Variants in ATP13A3 observed in about 807,000 individuals in gnomAD.
ATP13A3 encodes polyamine-transporting ATPase 13A3.
ATP13A3 carries 59 observed loss-of-function variants against 158.1 expected under a neutral mutation model. That is an observed-to-expected ratio of 0.37 (90% confidence interval 0.30 to 0.46). ATP13A3 has a LOEUF of 0.46. Ranked by LOEUF, ATP13A3 falls within the 20% of genes least tolerant of loss-of-function variation. ATP13A3 has a pLI of 1.00. For synonymous variants in ATP13A3, 491 were observed against 504.3 expected (o/e 0.97, Z 0.35); for missense variants, 1,166 against 1,525.2 (o/e 0.76, Z 3.92).
chr3:194,420,793 C>G (rs1210561271), intron 30 of ATP13A3, among the ~76,000 whole-genome samples: 2 of 151,936 alleles, frequency 1.3e-5, no homozygotes, highest in Non-Finnish European at 2.9e-5. Context: ...CCAAAATTTT[C>G]TAATATATTG....
At chr3:194,433,997 G>T in intron 20 of ATP13A3, 101 bp from the exon 21 acceptor site, 1 of 1,224,288 alleles carries the variant, frequency 8.2e-7, no homozygotes, top group Non-Finnish European at 1.1e-6. Context: ...ATGTCTATAA[G>T]TTATAATGCA....
At chr3:194,421,157 A>T (rs368615112) in intron 30 of ATP13A3, among the ~76,000 whole-genome samples, 13 of 29,932 alleles carry the variant, frequency 4.3e-4, no homozygotes, top group Admixed American at 5.8e-4. Context: ...ATATATATAT[A>T]TATATATATA....
chr3:194,450,063 C>G, intron 11 of ATP13A3, 82 bp downstream of exon 11: 1 of 1,417,054 alleles, frequency 7.1e-7, no homozygotes, highest in Non-Finnish European at 9.7e-7. Context: ...AATGACATAG[C>G]TAATTTTGAA....
intron 23 of ATP13A3, 28 bp downstream of exon 23, chr3:194,431,076 A>AT: frequency 6.2e-7 from 1 of 1,613,448 alleles, no homozygotes; most frequent in Non-Finnish European, 8.5e-7. Flanking sequence ...CATTCATGTG[A>AT]GCACACACAT....
intron 10 of ATP13A3, chr3:194,453,128 C>T (rs1053800090): frequency 6.6e-6 from 1 of 151,892 alleles, no homozygotes; most frequent in African/African-American, 2.4e-5. Flanking sequence ...GCATGGGCAA[C>T]ACAGTGAGAC....
At position 194,450,286 on chromosome 3, in the gene ATP13A3, A is replaced by C; in HGVS notation, c.839-10T>G. 1 of 1,605,456 alleles carries C rather than the reference A, an allele frequency of 6.2e-7. No homozygotes were observed. The highest frequency in any genetic ancestry group is 1.1e-5 in the South Asian group (1 of 90,434). ...AAGATTTCTTCTATTTCTGAAATTA[A>C]AGAAAGAAAGAAAAATCTGAAAAAG... On this transcript the variant is annotated splice_polypyrimidine_tract_variant and intron_variant, in intron 10 of 33. Coordinates refer to ENST00000645319, the MANE Select transcript of ATP13A3 (RefSeq NM_001367549.1).
intron 2 of ATP13A3, among the ~76,000 whole-genome samples, chr3:194,474,685 A>C (rs540990239): frequency 6.6e-6 from 1 of 152,370 alleles, no homozygotes; most frequent in African/African-American, 2.4e-5. Context: ...GCTATTAATA[A>C]AAATCTCAAA....
At chr3:194,425,203 C>T (rs1716675853) in intron 30 of ATP13A3, 139 bp downstream of exon 30, 6 of 850,800 alleles carry the variant, frequency 7.1e-6, no homozygotes, top group Non-Finnish European at 7.1e-6. Flanking sequence ...TAAAACAAAA[C>T]GGTAAACATC....
rs1715457073 is a variant in ATP13A3 at position 194,411,820 on chromosome 3, A to AAATCTCATTT, written c.3573+369_3573+378dup. ...TTTTCATTGCAAACTTTGTTTATATAAATCTCATTTAGCTTCTAAGGGGAC... is the reference window on the plus strand; with the variant it reads ...TTTTCATTGCAAACTTTGTTTATATAAATCTCATTTAATCTCATTTAGCTTCTAAGGGGAC... On this transcript the variant is annotated intron_variant, in intron 33 of 33. Transcript: ENST00000645319. 5.3e-5 allele frequency among the ~76,000 whole-genome samples: 8 copies of AAATCTCATTT among 152,352 alleles called. No homozygotes were observed. In the South Asian group the frequency reaches 1.7e-3, roughly 32 times the overall value.
intron 3 of ATP13A3, 72 bp from the exon 4 acceptor site, chr3:194,460,903 A>T: frequency 6.8e-7 from 1 of 1,470,682 alleles, no homozygotes; most frequent in South Asian, 1.3e-5. Flanking sequence ...CACATTCCAA[A>T]GTTCTTTGTT....
At chr3:194,461,746 T>TC (rs1431441973) in intron 3 of ATP13A3, among the ~76,000 whole-genome samples, 3 of 152,066 alleles carry the variant, frequency 2.0e-5, no homozygotes, top group Non-Finnish European at 2.9e-5. Flanking sequence ...TCTTTCTGGC[T>TC]CCCCCCAACA....
chr3:194,433,180 G>C (rs547714519), intron 21 of ATP13A3, among the ~76,000 whole-genome samples: 1 of 146,868 alleles, frequency 6.8e-6, no homozygotes, highest in African/African-American at 2.5e-5. Flanking sequence ...CGAATAAAGA[G>C]AGAAAACAAA....
intron 2 of ATP13A3, among the ~76,000 whole-genome samples, chr3:194,469,472 A>G (rs1560111890): frequency 6.6e-6 from 1 of 152,168 alleles, no homozygotes; most frequent in Non-Finnish European, 1.5e-5. Flanking sequence ...AAAAGAAAAA[A>G]AAACTCACAA....
chr3:194,459,959 T>C lies in ATP13A3; in HGVS notation c.238A>G (p.Met80Val). 6.2e-7 allele frequency: 1 copy of C among 1,612,432 alleles called. No individual in the cohort carries two copies. Among genetic ancestry groups the C allele is most frequent in the Non-Finnish European group, 8.5e-7 (1 of 1,179,048 alleles). Reference sequence around the variant, plus strand: ...ACGCGAATTTTTGCACAAAACCACATTTTGAATTCATCCTTAAAGAGAGAA... The same window carrying C: ...ACGCGAATTTTTGCACAAAACCACACTTTGAATTCATCCTTAAAGAGAGAA... ...VLLRTTDEFK[M>V]WFCAKIRVLS... is the part of the protein sequence containing the mutation. Residue 80 changes from methionine (M) to valine (V), a missense_variant, in exon 5 of 34, where the codon ATG (methionine) becomes GTG (valine). Transcript: ENST00000645319.
intron 11 of ATP13A3, among the ~76,000 whole-genome samples, chr3:194,449,034 G>A (rs938366049): frequency 7.1e-5 from 10 of 141,196 alleles, no homozygotes; most frequent in Admixed American, 2.9e-4. Flanking sequence ...GGCCTACCCC[G>A]ATCCACCCCT....
intron 27 of ATP13A3, 105 bp downstream of exon 27, chr3:194,429,573 A>G: frequency 1.3e-6 from 1 of 763,552 alleles, no homozygotes. Context: ...TACTACTCAC[A>G]GAAACAATTA....
Position 194,433,782 on chromosome 3 carries a change from G to A in ATP13A3, c.2235C>T (p.Val745=). The A allele has an allele frequency of 6.2e-7, 1 of 1,614,084 alleles. No homozygotes were observed. Among genetic ancestry groups the A allele is most frequent in the Non-Finnish European group, 8.5e-7 (1 of 1,180,000 alleles). ...TTTATAAAGTCTAACCTGTGACCAT[G>A]ACGGTGCGAATGTTGGCTTTATGCA... is the stretch of plus-strand genomic sequence containing the variant. ...EDLHKANIRT[V]MVTGDSMLTA... is the part of the protein sequence containing the mutation. The change falls in exon 21 of 34, where the codon GTC becomes GTT. Residue 745 remains valine (V), a synonymous_variant. Coordinates refer to ENST00000645319, the MANE Select transcript of ATP13A3 (RefSeq NM_001367549.1).
intron 2 of ATP13A3, among the ~76,000 whole-genome samples, chr3:194,471,146 T>C (rs1364631686): frequency 2.0e-5 from 3 of 152,050 alleles, no homozygotes; most frequent in Non-Finnish European, 1.5e-5. Context: ...CACATCATGG[T>C]GCTCTATCAG....
chr3:194,435,772 T>C (rs1409946244), intron 20 of ATP13A3, among the ~76,000 whole-genome samples: 1 of 152,086 alleles, frequency 6.6e-6, no homozygotes, highest in East Asian at 1.9e-4. Context: ...CCAGGCATGG[T>C]GGTGTGCACC....
Sources: gnomAD v4.1 joint callset for allele counts (sites outside exome capture counted in the v4.1 genomes callset) on GRCh38, gnomAD v4.1.1 for gene constraint, MANE v1.5 for transcripts, NCBI Gene and HGNC (gene_info 2026-07-23, HGNC 2026-07-21) for gene names.